Variants in ERBB4 observed in about 807,000 individuals in gnomAD.
ERBB4 encodes the protein receptor tyrosine-protein kinase erbB-4.
ERBB4 carries 42 observed loss-of-function variants against 158.0 expected under a neutral mutation model. That is an observed-to-expected ratio of 0.27 (90% CI 0.21 to 0.34). The LOEUF is 0.34. ERBB4 is among the 10% of genes least tolerant of loss of function. ERBB4 has a pLI of 1.00. For missense variants in ERBB4, 1,333 were observed against 1,624.1 expected (o/e 0.82, Z 3.08); for synonymous variants, 583 against 558.7 (o/e 1.04, Z -0.61).
intron 5 of ERBB4, among the ~76,000 whole-genome samples, chr2:211,735,499 A>G (rs12469039): frequency 0.7 from 106,785 of 152,088 alleles, 38,262 homozygotes; most frequent in African/African-American, 0.85. Context: ...TGTTTTAAAT[A>G]CAACGCCAAA....
intron 19 of ERBB4, among the ~76,000 whole-genome samples, chr2:211,594,215 TTGAC>T (rs761945882): frequency 3.9e-5 from 6 of 152,278 alleles, no homozygotes; most frequent in Non-Finnish European, 8.8e-5. Flanking sequence ...GGAGGGCTGA[TTGAC>T]TGAGCTCAGG....
At chr2:212,335,169 C>T (rs891644790) in intron 1 of ERBB4, among the ~76,000 whole-genome samples, 8 of 151,710 alleles carry the variant, frequency 5.3e-5, no homozygotes, top group African/African-American at 1.9e-4. Flanking sequence ...CTGGTAGAGT[C>T]AGAGGTTATA....
intron 3 of ERBB4, among the ~76,000 whole-genome samples, chr2:211,814,038 C>A (rs1238080147): frequency 2.6e-5 from 4 of 151,940 alleles, no homozygotes; most frequent in African/African-American, 9.7e-5. Flanking sequence ...AACTATACAG[C>A]CATTATAAAC....
intron 3 of ERBB4, among the ~76,000 whole-genome samples, chr2:211,896,693 A>AT (rs201684096): frequency 0.017 from 2,641 of 152,302 alleles, 35 homozygotes; most frequent in Middle Eastern, 0.034. Flanking sequence ...ATGACAAATC[A>AT]TATCACTTTC....
chr2:211,413,342 A>C, intron 25 of ERBB4, among the ~76,000 whole-genome samples: 1 of 126,026 alleles, frequency 7.9e-6, no homozygotes, highest in Non-Finnish European at 1.8e-5. Flanking sequence ...ACACACACAC[A>C]CACACATTGA....
chr2:212,481,539 T>G (rs1689698029), intron 1 of ERBB4, among the ~76,000 whole-genome samples: 1 of 152,178 alleles, frequency 6.6e-6, no homozygotes, highest in Non-Finnish European at 1.5e-5. Flanking sequence ...AAATTCCAAT[T>G]TCTCTAATAC....
chr2:211,403,552 T>C (rs1350049225), intron 25 of ERBB4, among the ~76,000 whole-genome samples: 1 of 152,108 alleles, frequency 6.6e-6, no homozygotes, highest in Non-Finnish European at 1.5e-5. Flanking sequence ...TACCTAAGTA[T>C]TATAATTCTG....
chr2:212,513,740 A>T (rs1366821286), intron 1 of ERBB4, among the ~76,000 whole-genome samples: 2 of 152,210 alleles, frequency 1.3e-5, no homozygotes, highest in Non-Finnish European at 2.9e-5. Flanking sequence ...TGAACCCAGG[A>T]GGCGGAGCTT....
At chr2:211,425,593 G>A (rs979128945) in intron 22 of ERBB4, among the ~76,000 whole-genome samples, 3 of 151,830 alleles carry the variant, frequency 2.0e-5, no homozygotes, top group African/African-American at 7.2e-5. Context: ...GTGGATGACT[G>A]TTCATCTCTA....
intron 1 of ERBB4, among the ~76,000 whole-genome samples, chr2:212,350,941 G>T (rs2089225008): frequency 6.6e-6 from 1 of 152,096 alleles, no homozygotes; most frequent in African/African-American, 2.4e-5. Context: ...AATGGAAAAT[G>T]ACCTGCACAC....
At chr2:211,991,005 A>T (rs2082062372) in intron 2 of ERBB4, among the ~76,000 whole-genome samples, 1 of 152,010 alleles carries the variant, frequency 6.6e-6, no homozygotes, top group African/African-American at 2.4e-5. Flanking sequence ...AAATAGTTTT[A>T]AAAAATTAGT....
In ERBB4 at chr2:212,264,847, C is replaced by T. The variant is rs189793741; in HGVS notation, c.83-139944G>A. 7.2e-5 allele frequency among the ~76,000 whole-genome samples: 11 copies of T among 152,126 alleles called. No homozygotes were observed. The East Asian group carries it at 2.1e-3, about 29-fold the overall frequency. On this transcript the variant is annotated intron_variant, in intron 1 of 27. Transcript: ENST00000342788. ...AGTAAATGATCACGTGAATGAACAA[C>T]AAAATGCTGTCTACAGGCTCATTAT...
chr2:212,386,776 C>T (rs545742443), intron 1 of ERBB4, among the ~76,000 whole-genome samples: 99 of 152,096 alleles, frequency 6.5e-4, no homozygotes, highest in African/African-American at 2.3e-3. Context: ...TAAGTTACCA[C>T]CCTTTATTCA....
At chr2:211,504,672 T>A in intron 20 of ERBB4, among the ~76,000 whole-genome samples, 1 of 152,094 alleles carries the variant, frequency 6.6e-6, no homozygotes, top group African/African-American at 2.4e-5. Flanking sequence ...GGAAGACCAA[T>A]GAGCTCCAAG....
chr2:212,486,150 A>G (rs958606557), intron 1 of ERBB4, among the ~76,000 whole-genome samples: 10 of 151,600 alleles, frequency 6.6e-5, no homozygotes, highest in African/African-American at 2.4e-4. Context: ...TTAAGAAAAA[A>G]CATGCAAACA....
At chr2:212,228,811 C>T (rs1483497917) in intron 1 of ERBB4, among the ~76,000 whole-genome samples, 2 of 152,158 alleles carry the variant, frequency 1.3e-5, no homozygotes, top group East Asian at 3.9e-4. Flanking sequence ...TGGCAAACTG[C>T]CACATGCACC....
chr2:212,190,264 C>T (rs1309584240), intron 1 of ERBB4, among the ~76,000 whole-genome samples: 4 of 152,116 alleles, frequency 2.6e-5, no homozygotes, highest in African/African-American at 4.8e-5. Context: ...CAGCTGGGCG[C>T]GGTAGCTCAA....
intron 1 of ERBB4, among the ~76,000 whole-genome samples, chr2:212,191,890 TTA>T: frequency 7.0e-6 from 1 of 143,220 alleles, no homozygotes; most frequent in East Asian, 2.0e-4. Flanking sequence ...ATGTTACATG[TTA>T]TATATTATAT....
intron 1 of ERBB4, among the ~76,000 whole-genome samples, chr2:212,180,673 G>T (rs1294449829): frequency 6.6e-6 from 1 of 151,638 alleles, no homozygotes; most frequent in Non-Finnish European, 1.5e-5. Context: ...TTTCTCTAAT[G>T]TCACCAATTT....
Sources: gnomAD v4.1 joint callset for allele counts (sites outside exome capture counted in the v4.1 genomes callset) on GRCh38, gnomAD v4.1.1 for gene constraint, MANE v1.5 for transcripts, NCBI Gene and HGNC (gene_info 2026-07-23, HGNC 2026-07-21) for gene names.